The following CTNNA1 variants were observed in gnomAD, a reference collection of about 807,000 sequenced individuals.
CTNNA1 encodes catenin alpha 1.
Under a neutral mutation model 98.4 loss-of-function variants are expected in CTNNA1, and 37 were observed. The observed-to-expected ratio is 0.38, with a 90% CI of 0.29 to 0.49. The LOEUF (loss-of-function observed/expected upper bound fraction) is 0.49, where lower values mean the gene tolerates loss of function less well. Ranked by LOEUF, CTNNA1 falls within the 20% of genes least tolerant of loss-of-function variation. The pLI is 0.95. For missense variants in CTNNA1, 761 were observed against 1,147.2 expected (o/e 0.66, Z 4.86); for synonymous variants, 404 against 413.2 (o/e 0.98, Z 0.27).
At chr5:138,854,150 A>AT (rs1561596589) in intron 7 of CTNNA1, among the ~76,000 whole-genome samples, 1 of 151,936 alleles carries the variant, frequency 6.6e-6, no homozygotes, top group Non-Finnish European at 1.5e-5. Context: ...ATTTGTTTTT[A>AT]TTTTTTTACC....
intron 7 of CTNNA1, among the ~76,000 whole-genome samples, chr5:138,831,009 T>G (rs954053129): frequency 5.9e-5 from 9 of 152,376 alleles, no homozygotes; most frequent in Admixed American, 5.2e-4. Flanking sequence ...AATTATGTTA[T>G]GTGGAGAATT....
intron 17 of CTNNA1, chr5:138,932,965 AT>A (rs1273370673): frequency 3.9e-6 from 3 of 768,330 alleles, no homozygotes; most frequent in Non-Finnish European, 7.1e-6. Flanking sequence ...CTGGGTAGGA[AT>A]TTTTAAAAAT....
At chr5:138,921,090 T>C (rs910953913) in intron 11 of CTNNA1, among the ~76,000 whole-genome samples, 8 of 152,198 alleles carry the variant, frequency 5.3e-5, no homozygotes, top group Non-Finnish European at 8.8e-5. Context: ...AATGCTGCCT[T>C]GTAAATATTG....
intron 14 of CTNNA1, among the ~76,000 whole-genome samples, chr5:138,929,714 A>G (rs1764901088): frequency 6.6e-6 from 1 of 152,228 alleles, no homozygotes; most frequent in African/African-American, 2.4e-5. Context: ...GAACTATTTA[A>G]TTATTCATGG....
intron 7 of CTNNA1, among the ~76,000 whole-genome samples, chr5:138,842,996 T>C (rs1227073029): frequency 1.3e-5 from 2 of 152,332 alleles, no homozygotes; most frequent in South Asian, 2.1e-4. Context: ...GGAATTACAC[T>C]AATTTGGGGG....
intron 1 of CTNNA1, among the ~76,000 whole-genome samples, chr5:138,779,263 T>C (rs1243487002): frequency 6.6e-6 from 1 of 152,208 alleles, no homozygotes; most frequent in African/African-American, 2.4e-5. Flanking sequence ...ATGGTCATTT[T>C]CTAATTCTAT....
chr5:138,878,176 A>T (rs1319410293), intron 7 of CTNNA1, among the ~76,000 whole-genome samples: 1 of 152,170 alleles, frequency 6.6e-6, no homozygotes, highest in Non-Finnish European at 1.5e-5. Flanking sequence ...TTGCAGTATC[A>T]TGGTGCCCAG....
At chr5:138,765,180 A>G in intron 1 of CTNNA1, among the ~76,000 whole-genome samples, 1 of 151,380 alleles carries the variant, frequency 6.6e-6, no homozygotes, top group East Asian at 1.9e-4. Flanking sequence ...AGCTGGGATT[A>G]CAGGCACCCA....
intron 1 of CTNNA1, among the ~76,000 whole-genome samples, chr5:138,758,924 C>T (rs1752020485): frequency 6.6e-6 from 1 of 152,044 alleles, no homozygotes; most frequent in African/African-American, 2.4e-5. Context: ...CTGCCTCAGC[C>T]TCTTGAGTAG....
At chr5:138,772,179 G>A (rs955944991) in intron 1 of CTNNA1, among the ~76,000 whole-genome samples, 1 of 152,186 alleles carries the variant, frequency 6.6e-6, no homozygotes, top group Admixed American at 6.5e-5. Flanking sequence ...TCTTTCTGTT[G>A]TAGATTGCTA....
At chr5:138,842,449 ATTGT>A (rs1762353756) in intron 7 of CTNNA1, among the ~76,000 whole-genome samples, 2 of 152,184 alleles carry the variant, frequency 1.3e-5, no homozygotes, top group South Asian at 2.1e-4. Context: ...ATATAGGAAA[ATTGT>A]TTGTTTTCTA....
At chr5:138,787,821 A>G (rs1465896347) in intron 3 of CTNNA1, among the ~76,000 whole-genome samples, 4 of 152,226 alleles carry the variant, frequency 2.6e-5, no homozygotes, top group African/African-American at 9.6e-5. Flanking sequence ...ATTTGTGAGT[A>G]TACTAAAATT....
chr5:138,833,531 C>G (rs752351445), intron 7 of CTNNA1, among the ~76,000 whole-genome samples: 26 of 152,100 alleles, frequency 1.7e-4, no homozygotes, highest in Admixed American at 3.9e-4. Context: ...TCACTTATGG[C>G]TACGAGAAAA....
intron 3 of CTNNA1, among the ~76,000 whole-genome samples, chr5:138,795,461 A>AAAAAAAG (rs752612221): frequency 8.5e-5 from 13 of 152,268 alleles, no homozygotes; most frequent in Admixed American, 7.8e-4. Flanking sequence ...GTCTCAGAAA[A>AAAAAAAG]AAAAAAGAAA....
chr5:138,914,176 A>G (rs1761262321), intron 10 of CTNNA1, among the ~76,000 whole-genome samples: 1 of 152,246 alleles, frequency 6.6e-6, no homozygotes, highest in Admixed American at 6.5e-5. Context: ...TTACAAAGAA[A>G]GCATTTTTCC....
At chr5:138,759,188 A>AT (rs1044263520) in intron 1 of CTNNA1, among the ~76,000 whole-genome samples, 3 of 151,180 alleles carry the variant, frequency 2.0e-5, no homozygotes, top group East Asian at 1.9e-4. Flanking sequence ...GGACTTTTTA[A>AT]TTTTTTTTTG....
At chr5:138,917,063 A>G (rs1761961059) in intron 10 of CTNNA1, among the ~76,000 whole-genome samples, 2 of 152,240 alleles carry the variant, frequency 1.3e-5, no homozygotes, top group Admixed American at 1.3e-4. Flanking sequence ...GTGAGCCACC[A>G]CACCTGGCCT....
At chr5:138,902,362 G>A (rs1358808381) in intron 9 of CTNNA1, among the ~76,000 whole-genome samples, 1 of 152,214 alleles carries the variant, frequency 6.6e-6, no homozygotes. Flanking sequence ...CAGCATTCAA[G>A]TGGCCTCCTA....
In CTNNA1 at chr5:138,934,820, T is replaced by C. The variant is rs933671107; in HGVS notation, c.*731T>C. The C allele has an allele frequency of 6.6e-6, 1 of 152,654 alleles. No homozygotes were observed. Among genetic ancestry groups the C allele is most frequent in the South Asian group, 2.1e-4 (1 of 4,822 alleles). 9.5% of individuals were successfully genotyped at this position (152,654 alleles called of 1,614,324 possible). A position where few individuals can be genotyped will look rare whatever the true frequency, so the allele number is the denominator to read the frequency against. On this transcript the variant is annotated 3_prime_UTR_variant, in exon 18 of 18. Transcript: ENST00000302763. ...TCTAATAACTGCAGTGTTTCCCGCC[T>C]TGGGCTTGCAGCAGAAAAACCTGAC... is the stretch of plus-strand genomic sequence containing the variant.
Sources: gnomAD v4.1 joint callset for allele counts (sites outside exome capture counted in the v4.1 genomes callset) on GRCh38, gnomAD v4.1.1 for gene constraint, MANE v1.5 for transcripts, NCBI Gene and HGNC (gene_info 2026-07-23, HGNC 2026-07-21) for gene names.